ITPRIPL1: variants seen among roughly 807,000 people sequenced by gnomAD.
ITPRIPL1 encodes the protein inositol 1,4,5-trisphosphate receptor-interacting protein-like 1.
ITPRIPL1 carries 28 observed loss-of-function variants against 40.0 expected under a neutral mutation model. The ratio of observed to expected loss-of-function variants is 0.70; its 90% CI spans 0.52 to 0.96. The LOEUF is 0.96. Among genes scored for constraint, ITPRIPL1 ranks in the 40% least tolerant of loss-of-function variants. The pLI is 0.00. For missense variants in ITPRIPL1, 638 were observed against 698.0 expected, an observed-to-expected ratio of 0.91 and a Z score of 0.97; for synonymous variants, 251 against 275.7, an observed-to-expected ratio of 0.91 and a Z score of 0.89.
chr2:96,328,332 G>C lies in ITPRIPL1; in HGVS notation c.*33G>C. On this transcript the variant is annotated 3_prime_UTR_variant, in exon 3 of 3. Transcript: ENST00000439118. ...ACCATTAAAAAAAAAACAGAGGAAG[G>C]TATTTCTAATTCCTTGGGCTACAAA... is the stretch of plus-strand genomic sequence containing the variant. 1 of 1,564,878 alleles carries C rather than the reference G, an allele frequency of 6.4e-7. No individual in the cohort carries two copies. Among genetic ancestry groups the C allele is most frequent in the Non-Finnish European group, 8.6e-7 (1 of 1,157,504 alleles).
rs771375989 is a variant in ITPRIPL1 at position 96,328,089 on chromosome 2, G to A, written c.1458G>A (p.Gln486=). The part of the protein sequence containing the change: ...DILWFLGRGL[Q]QRSLHHFLIG... ...TCTGGTTCTTGGGCCGTGGCCTCCA[G>A]CAAAGGTCCCTCCATCATTTCCTCA... Residue 486 remains glutamine (Q), a synonymous_variant, in exon 3 of 3, where the codon CAG becomes CAA. Transcript: ENST00000439118. The A allele has an allele frequency of 1.2e-5, 19 of 1,614,042 alleles. No individual in the cohort carries two copies. The highest frequency in any genetic ancestry group is 1.4e-5 in the Non-Finnish European group (17 of 1,180,046).
chr2:96,329,053 T>A (rs1360284557), downstream of ITPRIPL1: 1 of 150,076 alleles, frequency 6.7e-6, no homozygotes, highest in African/African-American at 2.5e-5. Flanking sequence ...CGAGAATCAC[T>A]TAAGCCCCAG....
At position 96,327,756 on chromosome 2, in the gene ITPRIPL1, CT is replaced by C; in HGVS notation, c.1127del (p.Leu376TrpfsTer5). On this transcript the variant is annotated frameshift_variant, in exon 3 of 3. Transcript: ENST00000439118. LOFTEE classifies it high-confidence loss of function. ...LVLGVQREDT[L>X]VYLVSQAPDQ... is the part of the protein sequence containing the mutation. ...TCCTGGGGGTGCAACGAGAAGACACCTTGGTCTACCTGGTGAGTCAGGCTCC... is the reference window on the plus strand; with the variant it reads ...TCCTGGGGGTGCAACGAGAAGACACCTGGTCTACCTGGTGAGTCAGGCTCC... 1.2e-6 allele frequency: 2 copies of C among 1,613,724 alleles called. No homozygotes were observed. Among genetic ancestry groups the C allele is most frequent in the Non-Finnish European group, 8.5e-7 (1 of 1,179,848 alleles).
Position 96,327,168 on chromosome 2 carries a change from C to T in ITPRIPL1, c.537C>T (p.Ala179=). The T allele has an allele frequency of 6.2e-7, 1 of 1,614,186 alleles. No individual in the cohort carries two copies. Among genetic ancestry groups the T allele is most frequent in the Non-Finnish European group, 8.5e-7 (1 of 1,180,040 alleles). ...DSFYKHYVQN[A]IRDLPCTCEF... is the part of the protein sequence containing the mutation. Reference sequence around the variant, plus strand: ...TTTACAAACACTATGTCCAAAATGCCATCCGTGACCTGCCCTGCACCTGTG... The same window carrying T: ...TTTACAAACACTATGTCCAAAATGCTATCCGTGACCTGCCCTGCACCTGTG... Residue 179 remains alanine, a synonymous_variant, in exon 3 of 3, where the codon GCC becomes GCT. Coordinates refer to ENST00000439118, the MANE Select transcript of ITPRIPL1 (RefSeq NM_001008949.3).
chr2:96,327,069 G>A lies in ITPRIPL1; in HGVS notation c.438G>A (p.Glu146=). ...ATTCCAGCAGTGAGGAGGAGGAGGA[G>A]GAAGTCCGTGTTGTCCCTGTCACCT... ...AFDSSSEEEE[E]EVRVVPVTSY... Residue 146 remains glutamate, a synonymous_variant, in exon 3 of 3, where the codon GAG becomes GAA. Coordinates refer to ENST00000439118, the MANE Select transcript of ITPRIPL1 (RefSeq NM_001008949.3). 1 of 1,614,090 alleles carries A rather than the reference G, an allele frequency of 6.2e-7. No homozygotes were observed. The highest frequency in any genetic ancestry group is 8.5e-7 in the Non-Finnish European group (1 of 1,179,956).
In ITPRIPL1 at chr2:96,325,762, C is replaced by T; in HGVS notation, c.-78C>T. 1.4e-6 allele frequency: 2 copies of T among 1,457,472 alleles called. No homozygotes were observed. Among genetic ancestry groups the T allele is most frequent in the Non-Finnish European group, 1.9e-6 (2 of 1,037,326 alleles). The allele number at this position is 1,457,472 out of a possible 1,614,324, so 90.3% of individuals were successfully genotyped here. A position where few individuals can be genotyped will look rare whatever the true frequency, so the allele number is the denominator to read the frequency against. Reference sequence around the variant, plus strand: ...ATTTTAACAGGGCTCCTAGAGAGGGCGGGGAGACGAAGCAAGGCCAAGTTC... The same window carrying T: ...ATTTTAACAGGGCTCCTAGAGAGGGTGGGGAGACGAAGCAAGGCCAAGTTC... On this transcript the variant is annotated 5_prime_UTR_variant, in exon 2 of 3. Transcript: ENST00000439118.
At position 96,325,856 on chromosome 2, in the gene ITPRIPL1, G is replaced by C; in HGVS notation, c.10+7G>C. 1 of 1,613,942 alleles carries C rather than the reference G, an allele frequency of 6.2e-7. No individual in the cohort carries two copies. Among genetic ancestry groups the C allele is most frequent in the Non-Finnish European group, 8.5e-7 (1 of 1,179,836 alleles). On this transcript the variant is annotated splice_region_variant and intron_variant, in intron 2 of 2. Transcript: ENST00000439118. Reference sequence around the variant, plus strand: ...TAGTCCTTCATGAATGTTGGTAAGCGCGGTAGCTTGTGAATTAGGGTGAGT... The same window carrying C: ...TAGTCCTTCATGAATGTTGGTAAGCCCGGTAGCTTGTGAATTAGGGTGAGT...
chr2:96,328,602 G>T (rs750401267), downstream of ITPRIPL1: 3 of 281,788 alleles, frequency 1.1e-5, no homozygotes, highest in African/African-American at 6.6e-5. Context: ...GATCCAGAGG[G>T]TCACTGTGAA....
At position 96,327,860 on chromosome 2, in the gene ITPRIPL1, G is replaced by A. The variant is rs768143282; in HGVS notation, c.1229G>A (p.Gly410Glu). 1.9e-6 allele frequency: 3 copies of A among 1,614,028 alleles called. No individual in the cohort carries two copies. Among genetic ancestry groups the A allele is most frequent in the Middle Eastern group, 1.6e-4 (1 of 6,062 alleles). The change falls in exon 3 of 3, where the codon GGG becomes GAG. Residue 410 changes from glycine to glutamate, a missense_variant. Gly to Glu is a moderately conservative substitution (Grantham distance 98, BLOSUM62 -2). Coordinates refer to ENST00000439118, the MANE Select transcript of ITPRIPL1 (RefSeq NM_001008949.3). Reference protein sequence around the residue: ...ACEHLFLKLVGRFAPENTCHL... With the variant: ...ACEHLFLKLVERFAPENTCHL... ...GAGCACCTGTTCCTGAAGCTGGTGG[G>A]GCGCTTTGCCCCCGAGAACACCTGT...
downstream of ITPRIPL1, chr2:96,328,849 C>T (rs966888806): frequency 2.0e-5 from 3 of 152,894 alleles, no homozygotes; most frequent in Non-Finnish European, 4.4e-5. Flanking sequence ...GAAAATATAA[C>T]CAAGGCCGGT....
Position 96,326,922 on chromosome 2 carries a change from G to C in ITPRIPL1, c.291G>C (p.Gln97His), listed in dbSNP as rs759705892. 1.7e-5 allele frequency: 28 copies of C among 1,614,246 alleles called. No individual in the cohort carries two copies. In the South Asian group the frequency reaches 3.1e-4, roughly 18 times the overall value. Residue 97 changes from glutamine to histidine, a missense_variant, in exon 3 of 3, where the codon CAG becomes CAC. Coordinates refer to ENST00000439118, the MANE Select transcript of ITPRIPL1 (RefSeq NM_001008949.3). ...LGKKDMGWPF[Q>H]ADGQEGPLGW... ...AGAAAGACATGGGGTGGCCGTTCCA[G>C]GCCGATGGCCAGGAAGGGCCTCTGG...
At chr2:96,329,626 G>A (rs2064147036), downstream of ITPRIPL1, 1 of 151,190 alleles carries the variant, frequency 6.6e-6, no homozygotes, top group Non-Finnish European at 1.5e-5. Flanking sequence ...TTGAAAGAGA[G>A]GTCATCACAA....
At position 96,327,489 on chromosome 2, in the gene ITPRIPL1, G is replaced by C; in HGVS notation, c.858G>C (p.Val286=). ...TCCTAGGGGACGTGCTGTGCCTGGT[G>C]CACCACCACAGGGACCCCTCGGCAG... ...EKLLGDVLCL[V]HHHRDPSAVL... The change falls in exon 3 of 3, where the codon GTG becomes GTC. Residue 286 remains valine, a synonymous_variant. Transcript: ENST00000439118. 6.2e-7 allele frequency: 1 copy of C among 1,614,088 alleles called. No homozygotes were observed. The highest frequency in any genetic ancestry group is 8.5e-7 in the Non-Finnish European group (1 of 1,179,994).
In ITPRIPL1 at chr2:96,327,568, C is replaced by T; in HGVS notation, c.937C>T (p.Leu313=). The T allele has an allele frequency of 6.2e-7, 1 of 1,612,196 alleles. No homozygotes were observed. The highest frequency in any genetic ancestry group is 8.5e-7 in the Non-Finnish European group (1 of 1,179,222). The change falls in exon 3 of 3, where the codon CTA becomes TTA. Residue 313 remains leucine, a synonymous_variant. Coordinates refer to ENST00000439118, the MANE Select transcript of ITPRIPL1 (RefSeq NM_001008949.3). ...GGCAGCTCTCTGCACCGGCTTCCACCTAGACGTGTGCAAGACTGTGCAGTG... is the reference window on the plus strand; with the variant it reads ...GGCAGCTCTCTGCACCGGCTTCCACTTAGACGTGTGCAAGACTGTGCAGTG... ...IKAALCTGFH[L]DVCKTVQWFR...
Position 96,326,778 on chromosome 2 carries a change from TGAG to T in ITPRIPL1, c.151_153del (p.Glu51del). On this transcript the variant is annotated inframe_deletion, in exon 3 of 3. Transcript: ENST00000439118. Reference sequence around the variant, plus strand: ...GTCGGCAGCTGGAGAAGCGAATGAGTGAGGAGATGCGCCTGCTAGAGATGGAGT... The same window carrying T: ...GTCGGCAGCTGGAGAAGCGAATGAGTGAGATGCGCCTGCTAGAGATGGAGT... 2.5e-6 allele frequency: 4 copies of T among 1,613,536 alleles called. No homozygotes were observed. Among genetic ancestry groups the T allele is most frequent in the Non-Finnish European group, 1.7e-6 (2 of 1,179,900 alleles).
At chr2:96,326,446 CT>C in intron 2 of ITPRIPL1, 195 bp from the exon 3 acceptor site, 1 of 1,545,366 alleles carries the variant, frequency 6.5e-7, no homozygotes. Flanking sequence ...GTGGCACATC[CT>C]TTCGCCCTCT....
At chr2:96,325,636 G>A (rs187457774) in intron 1 of ITPRIPL1, 71 bp downstream of exon 1, 300 of 629,854 alleles carry the variant, frequency 4.8e-4, no homozygotes, top group Non-Finnish European at 7.7e-4. Context: ...CTACGGATAG[G>A]CGGGTGAGAG....
chr2:96,327,049 A>C lies in ITPRIPL1; in HGVS notation c.418A>C (p.Ser140Arg), dbSNP rs377522343. Reference protein sequence around the residue: ...NMQHEPAFDSSSEEEEEEVRV... With the variant: ...NMQHEPAFDSRSEEEEEEVRV... ...GCAGCATGAACCGGCCTTTGATTCCAGCAGTGAGGAGGAGGAGGAGGAAGT... is the reference window on the plus strand; with the variant it reads ...GCAGCATGAACCGGCCTTTGATTCCCGCAGTGAGGAGGAGGAGGAGGAAGT... Residue 140 changes from serine to arginine, a missense_variant, in exon 3 of 3, where the codon AGC (serine) becomes CGC (arginine). By Grantham distance (110) the Ser-to-Arg change is moderately radical. Transcript: ENST00000439118. 1.2e-4 allele frequency: 192 copies of C among 1,614,062 alleles called. No individual in the cohort carries two copies. Among genetic ancestry groups the C allele is most frequent in the Non-Finnish European group, 1.4e-4 (163 of 1,180,034 alleles).
rs1243392598 is a variant in ITPRIPL1, at chr2:96,325,832, A to T, written c.-8A>T. On this transcript the variant is annotated 5_prime_UTR_variant, in exon 2 of 3. Coordinates refer to ENST00000439118, the MANE Select transcript of ITPRIPL1 (RefSeq NM_001008949.3). ...GCTGGCTTCAGCGTCCACACGGCATAGTCCTTCATGAATGTTGGTAAGCGC... is the reference window on the plus strand; with the variant it reads ...GCTGGCTTCAGCGTCCACACGGCATTGTCCTTCATGAATGTTGGTAAGCGC... The T allele has an allele frequency of 6.2e-7, 1 of 1,613,762 alleles. No homozygotes were observed. Among genetic ancestry groups the T allele is most frequent in the Non-Finnish European group, 8.5e-7 (1 of 1,179,776 alleles).
Sources: gnomAD v4.1 joint callset for allele counts on GRCh38, gnomAD v4.1.1 for gene constraint, MANE v1.5 for transcripts, NCBI Gene and HGNC (gene_info 2026-07-23, HGNC 2026-07-21) for gene names.